The following TENM4 variants were observed in gnomAD, a reference collection of about 807,000 sequenced individuals.
The protein encoded by TENM4 is teneurin-4.
Under a neutral mutation model 243.3 loss-of-function variants are expected in TENM4, and 82 were observed. The observed-to-expected ratio is 0.34, with a 90% CI of 0.28 to 0.40. The LOEUF (loss-of-function observed/expected upper bound fraction) is 0.40. TENM4 is among the 10% of genes least tolerant of loss of function. The pLI, the probability that TENM4 is intolerant of heterozygous loss-of-function variation, is 1.00. For missense variants in TENM4, 3,138 were observed against 3,673.3 expected (o/e 0.85, Z 3.77); for synonymous variants, 1,412 against 1,456.3 (o/e 0.97, Z 0.69).
At chr11:79,377,816 T>C (rs67758925) in intron 1 of TENM4, among the ~76,000 whole-genome samples, 28,926 of 152,106 alleles carry the variant, frequency 0.19, 2,961 homozygotes, top group Middle Eastern at 0.28. Flanking sequence ...TGTGATTTAC[T>C]GGAAAGCTAT....
At chr11:79,297,920 G>T (rs1259024097) in intron 1 of TENM4, among the ~76,000 whole-genome samples, 2 of 151,524 alleles carry the variant, frequency 1.3e-5, no homozygotes, top group African/African-American at 4.9e-5. Context: ...CAACAATTTG[G>T]GCTTTTTTTT....
chr11:78,974,132 C>T (rs1209858670), intron 6 of TENM4, among the ~76,000 whole-genome samples: 1 of 152,148 alleles, frequency 6.6e-6, no homozygotes, highest in Non-Finnish European at 1.5e-5. Context: ...CCTGGGTGTT[C>T]TTGTTGGCAA....
intron 3 of TENM4, among the ~76,000 whole-genome samples, chr11:79,164,556 CTATATATACTATATACTA>C (rs1355425381): frequency 7.1e-6 from 1 of 140,926 alleles, no homozygotes; most frequent in East Asian, 2.1e-4. Context: ...TATCTATATA[CTATATATACTATATACTA>C]TATATATACA....
chr11:78,961,955 C>T (rs1188194064), intron 6 of TENM4, among the ~76,000 whole-genome samples: 1 of 152,136 alleles, frequency 6.6e-6, no homozygotes, highest in Admixed American at 6.5e-5. Context: ...AACTCTTGCA[C>T]ACTCCAGCGG....
chr11:78,835,682 C>A (rs560618644), intron 12 of TENM4, among the ~76,000 whole-genome samples: 1 of 152,202 alleles, frequency 6.6e-6, no homozygotes, highest in South Asian at 2.1e-4. Flanking sequence ...CTAGCTCTCT[C>A]TATCCAATTT....
At chr11:79,041,296 T>C (rs1033571755) in intron 6 of TENM4, among the ~76,000 whole-genome samples, 1 of 152,190 alleles carries the variant, frequency 6.6e-6, no homozygotes, top group East Asian at 1.9e-4. Context: ...ATTCCTGACC[T>C]CAGATGATCC....
At chr11:79,432,088 G>A (rs1859180428) in intron 1 of TENM4, among the ~76,000 whole-genome samples, 1 of 152,158 alleles carries the variant, frequency 6.6e-6, no homozygotes, top group African/African-American at 2.4e-5. Context: ...ATTAAATTTA[G>A]TTTAAAATGT....
At chr11:79,304,019 T>G (rs1856589076) in intron 1 of TENM4, among the ~76,000 whole-genome samples, 1 of 152,100 alleles carries the variant, frequency 6.6e-6, no homozygotes, top group Non-Finnish European at 1.5e-5. Context: ...GAATATGAGA[T>G]AGCCTGGTAA....
chr11:79,067,435 C>T (rs1286944873), intron 5 of TENM4, among the ~76,000 whole-genome samples: 1 of 152,188 alleles, frequency 6.6e-6, no homozygotes. Flanking sequence ...TCTGTTCGGC[C>T]GGCCCTCTCA....
At chr11:78,677,425 T>G (rs984256568) in intron 29 of TENM4, among the ~76,000 whole-genome samples, 1 of 152,020 alleles carries the variant, frequency 6.6e-6, no homozygotes, top group Non-Finnish European at 1.5e-5. Flanking sequence ...CGGCTAATTT[T>G]TGAAATATTT....
rs201318281 is a variant in TENM4, at chr11:78,670,460, G to A, written c.5885C>T (p.Ala1962Val). The A allele has an allele frequency of 3.2e-5, 51 of 1,613,860 alleles. No individual in the cohort carries two copies. Among genetic ancestry groups the A allele is most frequent in the Non-Finnish European group, 3.8e-5 (45 of 1,179,910 alleles). Residue 1962 changes from alanine (A) to valine (V), a missense_variant, in exon 32 of 34, where the codon GCG becomes GTG. Physicochemically the swap from Ala to Val is moderately conservative, Grantham distance 64. Coordinates refer to ENST00000278550, the MANE Select transcript of TENM4 (RefSeq NM_001098816.3). Reference sequence around the variant, plus strand: ...GCGGATGGTCTCTAGTGTCTGCCGCGCCACGTTGGGCATCGTCACAGAAGA... The same window carrying A: ...GCGGATGGTCTCTAGTGTCTGCCGCACCACGTTGGGCATCGTCACAGAAGA... ...RLSSVTMPNVARQTLETIRSV... is the reference protein window; with the variant it reads ...RLSSVTMPNVVRQTLETIRSV...
chr11:79,264,495 C>T (rs1193870646), intron 2 of TENM4, among the ~76,000 whole-genome samples: 1 of 152,170 alleles, frequency 6.6e-6, no homozygotes, highest in Non-Finnish European at 1.5e-5. Context: ...TTCCCGTCCC[C>T]CTGCTCTAAG....
intron 2 of TENM4, among the ~76,000 whole-genome samples, chr11:79,218,923 G>C (rs1864108518): frequency 6.6e-6 from 1 of 152,186 alleles, no homozygotes; most frequent in Admixed American, 6.5e-5. Context: ...ATATACTGAG[G>C]ATTGTTGCTG....
At chr11:78,865,148 GA>G (rs780268187) in intron 9 of TENM4, among the ~76,000 whole-genome samples, 21 of 152,172 alleles carry the variant, frequency 1.4e-4, no homozygotes, top group African/African-American at 1.9e-4. Context: ...ATTATTTATT[GA>G]GTACTTAATG....
At chr11:78,767,708 A>G (rs2135985784) in intron 18 of TENM4, among the ~76,000 whole-genome samples, 1 of 152,320 alleles carries the variant, frequency 6.6e-6, no homozygotes, top group Admixed American at 6.5e-5. Context: ...GAGTCATATC[A>G]TCTAAGAACA....
chr11:79,439,696 G>A (rs1330674341), intron 1 of TENM4, among the ~76,000 whole-genome samples: 1 of 128,202 alleles, frequency 7.8e-6, no homozygotes, highest in South Asian at 2.8e-4. Context: ...CACACACGCC[G>A]CCCCACTACC....
intron 1 of TENM4, among the ~76,000 whole-genome samples, chr11:79,437,148 C>T (rs551886205): frequency 6.6e-6 from 1 of 152,342 alleles, no homozygotes; most frequent in African/African-American, 2.4e-5. Context: ...CCGGAGAAAA[C>T]GGATTCCTCC....
At chr11:78,747,141 G>A in intron 19 of TENM4, among the ~76,000 whole-genome samples, 1 of 152,190 alleles carries the variant, frequency 6.6e-6, no homozygotes, top group East Asian at 1.9e-4. Context: ...AAAGGATGAG[G>A]GAGGAGGGGC....
Position 79,008,940 on chromosome 11 carries a change from A to G in TENM4, c.493+55798T>C, listed in dbSNP as rs552343619. On this transcript the variant is annotated intron_variant, in intron 6 of 33. Transcript: ENST00000278550. ...ACACTGAAATCTTTAATATAAACAT[A>G]TCTTCTATGTAATTTGCTAAGTAAA... is the stretch of plus-strand genomic sequence containing the variant. 5.9e-5 allele frequency among the ~76,000 whole-genome samples: 9 copies of G among 152,278 alleles called. No individual in the cohort carries two copies. In the East Asian group the frequency reaches 1.7e-3, roughly 29 times the overall value.
Sources: gnomAD v4.1 joint callset for allele counts (sites outside exome capture counted in the v4.1 genomes callset) on GRCh38, gnomAD v4.1.1 for gene constraint, MANE v1.5 for transcripts, NCBI Gene and HGNC (gene_info 2026-07-23, HGNC 2026-07-21) for gene names.